MICU3: variants seen among roughly 807,000 people sequenced by gnomAD.
The protein encoded by MICU3 is calcium uptake protein 3, mitochondrial.
Under a neutral mutation model 66.5 loss-of-function variants are expected in MICU3, and 62 were observed. The ratio of observed to expected loss-of-function variants is 0.93; its 90% CI spans 0.76 to 1.15. The LOEUF is 1.15. Among genes scored for constraint, MICU3 ranks in the 50% most tolerant of loss-of-function variants. MICU3 has a pLI of 0.00. For missense variants in MICU3, 779 were observed against 664.4 expected (o/e 1.17, Z -1.90); for synonymous variants, 308 against 240.7 (o/e 1.28, Z -2.59).
intron 2 of MICU3, among the ~76,000 whole-genome samples, chr8:17,066,544 T>TAGA (rs1491234403): frequency 0.044 from 2,705 of 61,128 alleles, 15 homozygotes; most frequent in South Asian, 0.076. Context: ...TATATATAGA[T>TAGA]TTTTTTTTTT....
At chr8:17,074,055 G>GT (rs60252796) in intron 3 of MICU3, among the ~76,000 whole-genome samples, 190 of 146,916 alleles carry the variant, frequency 1.3e-3, no homozygotes, top group African/African-American at 3.8e-3. Flanking sequence ...TTTCTTTTTG[G>GT]TTTTTTTTTT....
chr8:17,029,787 C>T (rs911594140), intron 1 of MICU3, among the ~76,000 whole-genome samples: 2 of 152,144 alleles, frequency 1.3e-5, no homozygotes, highest in Non-Finnish European at 2.9e-5. Context: ...AAATCCGTGT[C>T]TAAAAAATTC....
chr8:17,137,867 C>G, the MICU3 span, among the ~76,000 whole-genome samples: 1 of 151,714 alleles, frequency 6.6e-6, no homozygotes, highest in Non-Finnish European at 1.5e-5. Flanking sequence ...CAGGTGCGCA[C>G]CACCACGCCC....
At position 17,027,322 on chromosome 8, in the gene MICU3, TCTC is replaced by T. The variant is rs1811153469; in HGVS notation, c.48_50del (p.Pro17del). 3 of 1,435,920 alleles carry T rather than the reference TCTC, an allele frequency of 2.1e-6. No individual in the cohort carries two copies. Among genetic ancestry groups the T allele is most frequent in the Non-Finnish European group, 2.8e-6 (3 of 1,088,532 alleles). The allele number at this position is 1,435,920 out of a possible 1,614,324, so 88.9% of individuals were successfully genotyped here. A position where few individuals can be genotyped will look rare whatever the true frequency, so the allele number is the denominator to read the frequency against. On this transcript the variant is annotated inframe_deletion, in exon 1 of 15. Transcript: ENST00000318063. ...GCTCTTGTGGCCGCCACCCCGGGTG[TCTC>T]CTCCACTCTGCGCTCACCAGCCCCT... is the stretch of plus-strand genomic sequence containing the variant.
intron 1 of MICU3, among the ~76,000 whole-genome samples, chr8:17,045,485 T>G (rs1353524227): frequency 6.6e-6 from 1 of 152,192 alleles, no homozygotes; most frequent in Admixed American, 6.5e-5. Context: ...TAGTCATGCT[T>G]ATGAAGTCCC....
intron 5 of MICU3, 95 bp from the exon 6 acceptor site, chr8:17,085,141 A>G: frequency 6.7e-6 from 5 of 750,076 alleles, no homozygotes; most frequent in South Asian, 5.7e-5. Flanking sequence ...TCTTTAACCA[A>G]TACAGAATAT....
chr8:17,048,034 G>C (rs897927837), intron 1 of MICU3, among the ~76,000 whole-genome samples: 2 of 152,150 alleles, frequency 1.3e-5, no homozygotes, highest in African/African-American at 4.8e-5. Context: ...AGTGTTTCAT[G>C]GGGGAAACCA....
intron 10 of MICU3, 105 bp from the exon 11 acceptor site, chr8:17,105,308 A>T: frequency 1.6e-6 from 1 of 641,764 alleles, no homozygotes; most frequent in East Asian, 3.1e-5. Flanking sequence ...ATCATCATAC[A>T]ATTATTTCCA....
At chr8:17,109,032 CAAT>C (rs1359544420) in intron 11 of MICU3, among the ~76,000 whole-genome samples, 1 of 152,088 alleles carries the variant, frequency 6.6e-6, no homozygotes, top group Admixed American at 6.6e-5. Flanking sequence ...TGCTATTTCT[CAAT>C]GATGCCTACC....
rs540827951 is a variant in MICU3 at position 17,118,940 on chromosome 8, C to G, written c.*165C>G. ...TTGATTGAAAAATTTTACGTTAAAC[C>G]TGAAGTTTTGTATGTGAGCAGACAA... On this transcript the variant is annotated intron_variant, in intron 14 of 14. Transcript: ENST00000318063. Among the ~76,000 whole-genome samples the G allele has an allele frequency of 5.9e-5, 9 of 151,774 alleles. No individual in the cohort carries two copies. The South Asian group carries it at 1.9e-3, about 32-fold the overall frequency.
rs1766935975 is a variant in MICU3 at position 17,116,426 on chromosome 8, A to G, written c.1367-17A>G. 12 of 1,402,338 alleles carry G rather than the reference A, an allele frequency of 8.6e-6. No individual in the cohort carries two copies. The highest frequency in any genetic ancestry group is 5.6e-5 in the Admixed American group (2 of 35,542). 86.9% of individuals were successfully genotyped at this position (1,402,338 alleles called of 1,614,324 possible). ...AATAATAACAGTCTATTCTTTTTCT[A>G]TGTAACATTTATCTAGATGAATTTA... is the stretch of plus-strand genomic sequence containing the variant. On this transcript the variant is annotated splice_polypyrimidine_tract_variant and intron_variant, in intron 12 of 14. Coordinates refer to ENST00000318063, the MANE Select transcript of MICU3 (RefSeq NM_181723.3).
intron 4 of MICU3, 115 bp from the exon 5 acceptor site, chr8:17,081,578 T>A (rs1351570544): frequency 1.1e-5 from 4 of 348,750 alleles, no homozygotes; most frequent in African/African-American, 4.3e-5. Context: ...ATAATAATGA[T>A]TGTCATTTAA....
At chr8:17,078,766 G>C (rs1290490092) in intron 4 of MICU3, among the ~76,000 whole-genome samples, 1 of 151,872 alleles carries the variant, frequency 6.6e-6, no homozygotes, top group Non-Finnish European at 1.5e-5. Context: ...GGTTTACATA[G>C]AATCTGAAAG....
At chr8:17,028,026 G>T (rs1257784706) in intron 1 of MICU3, among the ~76,000 whole-genome samples, 1 of 152,146 alleles carries the variant, frequency 6.6e-6, no homozygotes, top group East Asian at 1.9e-4. Flanking sequence ...TGCGCGGGGC[G>T]ACAGCTAATG....
At chr8:17,031,844 C>T (rs1021160531) in intron 1 of MICU3, among the ~76,000 whole-genome samples, 2 of 152,136 alleles carry the variant, frequency 1.3e-5, no homozygotes, top group African/African-American at 2.4e-5. Flanking sequence ...GCTCTCAACT[C>T]GGAATGCCTT....
intron 3 of MICU3, among the ~76,000 whole-genome samples, chr8:17,071,334 G>A (rs1176894845): frequency 6.6e-6 from 1 of 152,090 alleles, no homozygotes; most frequent in South Asian, 2.1e-4. Context: ...TTCTTCTGAG[G>A]CCTCTCCCCT....
chr8:17,138,201 A>G, the MICU3 span, among the ~76,000 whole-genome samples: 28 of 152,240 alleles, frequency 1.8e-4, no homozygotes, highest in African/African-American at 5.5e-4. Context: ...AGTTTCATCA[A>G]TAAGAATGAG....
intron 12 of MICU3, among the ~76,000 whole-genome samples, chr8:17,114,717 T>G (rs1802520472): frequency 6.6e-6 from 1 of 152,112 alleles, no homozygotes; most frequent in African/African-American, 2.4e-5. Context: ...TCACCTTCCC[T>G]CTCCTCATGG....
At chr8:17,066,431 G>A (rs1261696101) in intron 2 of MICU3, among the ~76,000 whole-genome samples, 1 of 147,668 alleles carries the variant, frequency 6.8e-6, no homozygotes, top group Non-Finnish European at 1.5e-5. Flanking sequence ...GAAGGAATTT[G>A]TTAGATGCTA....
Sources: allele counts gnomAD v4.1 joint callset (sites outside exome capture counted in the v4.1 genomes callset), GRCh38; gene constraint gnomAD v4.1.1; transcripts MANE v1.5; gene names NCBI Gene and HGNC (gene_info 2026-07-23, HGNC 2026-07-21).